The following FBXL17 variants were observed in gnomAD, a reference collection of about 807,000 sequenced individuals.
The protein encoded by FBXL17 is F-box and leucine rich repeat protein 17, also known as F-box/LRR-repeat protein 17.
FBXL17 carries 22 observed loss-of-function variants against 66.2 expected under a neutral mutation model. The observed-to-expected ratio is 0.33, with a 90% CI of 0.24 to 0.47. The LOEUF (loss-of-function observed/expected upper bound fraction) is 0.47. FBXL17 is among the 20% of genes least tolerant of loss of function. The pLI is 1.00. For missense variants in FBXL17, 878 were observed against 948.2 expected, an observed-to-expected ratio of 0.93 and a Z score of 0.97; for synonymous variants, 474 against 400.5, an observed-to-expected ratio of 1.18 and a Z score of -2.19.
At chr5:108,111,297 G>A (rs544629624) in intron 6 of FBXL17, among the ~76,000 whole-genome samples, 1 of 152,052 alleles carries the variant, frequency 6.6e-6, no homozygotes, top group South Asian at 2.1e-4. Flanking sequence ...TGATTGGATT[G>A]GTATTTTTCA....
intron 4 of FBXL17, among the ~76,000 whole-genome samples, chr5:108,233,957 G>A (rs1317530133): frequency 1.3e-5 from 2 of 152,146 alleles, no homozygotes; most frequent in African/African-American, 4.8e-5. Flanking sequence ...GTGGATTCCT[G>A]TGAGATCAAA....
intron 4 of FBXL17, among the ~76,000 whole-genome samples, chr5:108,267,533 CATT>C (rs1478263454): frequency 6.6e-6 from 1 of 152,026 alleles, no homozygotes; most frequent in East Asian, 1.9e-4. Flanking sequence ...AAGTTATCAT[CATT>C]AAGTATTAAT....
intron 6 of FBXL17, among the ~76,000 whole-genome samples, chr5:108,106,075 T>G (rs960310867): frequency 1.3e-5 from 2 of 152,102 alleles, no homozygotes; most frequent in African/African-American, 2.4e-5. Flanking sequence ...ATTCAAGCAG[T>G]AAGTGCTAAA....
At chr5:108,056,319 G>C (rs569218994) in intron 6 of FBXL17, among the ~76,000 whole-genome samples, 1 of 152,298 alleles carries the variant, frequency 6.6e-6, no homozygotes, top group East Asian at 1.9e-4. Flanking sequence ...AAGAGTTGCA[G>C]AACAGCACAC....
At chr5:107,897,508 T>C (rs564957921) in intron 7 of FBXL17, among the ~76,000 whole-genome samples, 1 of 152,268 alleles carries the variant, frequency 6.6e-6, no homozygotes, top group South Asian at 2.1e-4. Flanking sequence ...GAGAAGCACC[T>C]TGCCAGGAAG....
chr5:108,150,029 T>C (rs1161418122), intron 6 of FBXL17, among the ~76,000 whole-genome samples: 2 of 152,206 alleles, frequency 1.3e-5, no homozygotes, highest in Non-Finnish European at 2.9e-5. Flanking sequence ...CACTCAGATT[T>C]ATCAATTGCT....
At position 108,130,768 on chromosome 5, in the gene FBXL17, C is replaced by A. The variant is rs558050652; in HGVS notation, c.1745+55349G>T. On this transcript the variant is annotated intron_variant, in intron 6 of 8. Transcript: ENST00000542267. ...ATAAGATTTATGGGCTCAAAGATGG[C>A]ACAACCACATTAGCCAGGTGTGCTG... 2.0e-4 allele frequency among the ~76,000 whole-genome samples: 30 copies of A among 152,120 alleles called. 1 individual carries two copies. The highest frequency in any genetic ancestry group is 7.2e-4 in the African/African-American group (30 of 41,546).
chr5:108,310,620 TA>T (rs1317786922), intron 4 of FBXL17, among the ~76,000 whole-genome samples: 3 of 152,242 alleles, frequency 2.0e-5, no homozygotes, highest in African/African-American at 7.2e-5. Flanking sequence ...AACTTTGAGA[TA>T]TTTTTTAAAC....
rs970871615 is a variant in FBXL17 at position 108,381,787 on chromosome 5, C to T, written c.-96G>A. On this transcript the variant is annotated 5_prime_UTR_variant, in exon 1 of 9. Coordinates refer to ENST00000542267, the MANE Select transcript of FBXL17 (RefSeq NM_001163315.3). The stretch of plus-strand genomic sequence containing the variant: ...GGGCAGGCCGCTCGCTGGCTCGGCC[C>T]CCGGAGGGGTCGCCCTTCCTGCGCA... 32 of 1,356,626 alleles carry T rather than the reference C, an allele frequency of 2.4e-5. No homozygotes were observed. Among genetic ancestry groups the T allele is most frequent in the Non-Finnish European group, 2.8e-5 (30 of 1,059,280 alleles). 84.0% of individuals were successfully genotyped at this position (1,356,626 alleles called of 1,614,324 possible).
At chr5:108,056,077 G>T (rs1747698571) in intron 6 of FBXL17, among the ~76,000 whole-genome samples, 1 of 152,098 alleles carries the variant, frequency 6.6e-6, no homozygotes, top group Admixed American at 6.6e-5. Context: ...TTTTCAACAT[G>T]ACTGATTATC....
chr5:108,309,956 T>A (rs1254695618), intron 4 of FBXL17, among the ~76,000 whole-genome samples: 1 of 152,170 alleles, frequency 6.6e-6, no homozygotes, highest in East Asian at 1.9e-4. Flanking sequence ...ACAATTCTGT[T>A]TAAATTATGT....
At chr5:107,992,262 G>T (rs1371549470) in intron 7 of FBXL17, among the ~76,000 whole-genome samples, 1 of 152,018 alleles carries the variant, frequency 6.6e-6, no homozygotes, top group African/African-American at 2.4e-5. Context: ...AATTAGGATG[G>T]AACTAACTTT....
chr5:108,224,091 AT>A (rs1355103019), intron 5 of FBXL17, 29 bp downstream of exon 5: 2 of 1,224,192 alleles, frequency 1.6e-6, no homozygotes, highest in African/African-American at 3.0e-5. Context: ...ATACTCAAAA[AT>A]ACCAAGGAAA....
At chr5:108,087,779 C>T (rs1749027147) in intron 6 of FBXL17, among the ~76,000 whole-genome samples, 2 of 152,014 alleles carry the variant, frequency 1.3e-5, no homozygotes, top group South Asian at 4.2e-4. Context: ...CCCTTTTCAA[C>T]CCTCCTTTGA....
chr5:108,319,681 A>G (rs1477885409), intron 4 of FBXL17, among the ~76,000 whole-genome samples: 2 of 151,758 alleles, frequency 1.3e-5, no homozygotes, highest in East Asian at 1.9e-4. Context: ...TTTTAACTGG[A>G]GAAAATTATC....
Position 108,241,761 on chromosome 5 carries a change from GAAAAAAC to G in FBXL17, c.1507-17540_1507-17534del, listed in dbSNP as rs539378091. On this transcript the variant is annotated intron_variant, in intron 4 of 8. Transcript: ENST00000542267. Reference sequence around the variant, plus strand: ...AAGGCTCCGAAAAGCCACAAGAGAAGAAAAAACAAAAAACAAAAAACAAATAACACAC... The same window carrying G: ...AAGGCTCCGAAAAGCCACAAGAGAAGAAAAAACAAAAAACAAATAACACAC... Among the ~76,000 whole-genome samples, 729 of 151,832 alleles carry G rather than the reference GAAAAAAC, an allele frequency of 4.8e-3. 2 individuals carry two copies. Among genetic ancestry groups the G allele is most frequent in the South Asian group, 0.013 (64 of 4,808 alleles).
intron 8 of FBXL17, among the ~76,000 whole-genome samples, chr5:107,873,571 C>CTGAG (rs1446459975): frequency 6.6e-6 from 1 of 152,180 alleles, no homozygotes; most frequent in Non-Finnish European, 1.5e-5. Flanking sequence ...GGCATGTGGG[C>CTGAG]TGAGCCATTC....
intron 7 of FBXL17, among the ~76,000 whole-genome samples, chr5:107,932,115 G>A (rs1750756335): frequency 6.6e-6 from 1 of 152,180 alleles, no homozygotes; most frequent in East Asian, 1.9e-4. Context: ...CACTGGTCTA[G>A]ACTCTCCTTC....
Position 108,355,741 on chromosome 5 carries a change from TAAGA to T in FBXL17, c.1375-7215_1375-7212del, listed in dbSNP as rs534332630. On this transcript the variant is annotated intron_variant, in intron 3 of 8. Transcript: ENST00000542267. ...AAAAAAACCAACTATGATTGACTGC[TAAGA>T]AAGAGAGAAAACTGAATCATTAAAA... is the stretch of plus-strand genomic sequence containing the variant. Among the ~76,000 whole-genome samples, 264 of 152,134 alleles carry T rather than the reference TAAGA, an allele frequency of 1.7e-3. 2 individuals are homozygous for T. Among genetic ancestry groups the T allele is most frequent in the Admixed American group, 8.9e-3 (136 of 15,272 alleles).
Sources: gnomAD v4.1 joint callset for allele counts (sites outside exome capture counted in the v4.1 genomes callset) on GRCh38, gnomAD v4.1.1 for gene constraint, MANE v1.5 for transcripts, NCBI Gene and HGNC (gene_info 2026-07-23, HGNC 2026-07-21) for gene names.